The following RAB38 variants were observed in gnomAD, a reference collection of about 807,000 sequenced individuals.
RAB38 encodes the protein ras-related protein Rab-38.
Under a neutral mutation model 18.4 loss-of-function variants are expected in RAB38, and 15 were observed. The observed-to-expected ratio is 0.82, with a 90% confidence interval of 0.55 to 1.26. The LOEUF is 1.26. RAB38 is among the 50% of genes most tolerant of loss of function. The probability of loss-of-function intolerance (pLI) is 0.00; values close to 1 mark genes in which losing one functional copy is unlikely to be tolerated. For missense variants in RAB38, 294 were observed against 267.4 expected, an observed-to-expected ratio of 1.10 and a Z score of -0.69; for synonymous variants, 101 against 104.4, an observed-to-expected ratio of 0.97 and a Z score of 0.20.
the RAB38 span, among the ~76,000 whole-genome samples, chr11:87,902,572 T>C: frequency 5.3e-5 from 8 of 151,610 alleles, no homozygotes; most frequent in South Asian, 1.7e-3. Flanking sequence ...TGATTAGTAT[T>C]GTTTGGAATC....
chr11:88,099,763 T>C, the RAB38 span, among the ~76,000 whole-genome samples: 2 of 151,866 alleles, frequency 1.3e-5, no homozygotes, highest in East Asian at 3.9e-4. Context: ...AATCTAAATA[T>C]ATGATTGTTA....
chr11:88,161,170 T>C (rs1312263831), intron 1 of RAB38, among the ~76,000 whole-genome samples: 1 of 152,132 alleles, frequency 6.6e-6, no homozygotes. Flanking sequence ...TTTTTCAAAC[T>C]CTTGTCGCTT....
At chr11:87,887,883 G>C in the RAB38 span, among the ~76,000 whole-genome samples, 3 of 151,822 alleles carry the variant, frequency 2.0e-5, no homozygotes, top group African/African-American at 7.2e-5. Context: ...AGAAAAACCA[G>C]TTTGACTATT....
At chr11:87,918,328 G>A in the RAB38 span, among the ~76,000 whole-genome samples, 1 of 152,150 alleles carries the variant, frequency 6.6e-6, no homozygotes, top group Non-Finnish European at 1.5e-5. Context: ...TGGCTATTAT[G>A]AATAATGCTG....
the RAB38 span, among the ~76,000 whole-genome samples, chr11:87,922,477 C>T: frequency 6.6e-6 from 1 of 151,850 alleles, no homozygotes; most frequent in African/African-American, 2.4e-5. Flanking sequence ...TTTCTTTTCA[C>T]CCTTTTAAGA....
chr11:88,030,298 C>G, the RAB38 span, among the ~76,000 whole-genome samples: 1 of 152,086 alleles, frequency 6.6e-6, no homozygotes, highest in Non-Finnish European at 1.5e-5. Context: ...AATTGTCAAC[C>G]TAACATCACA....
the RAB38 span, among the ~76,000 whole-genome samples, chr11:88,077,099 A>T: frequency 0.13 from 19,860 of 151,524 alleles, 1,425 homozygotes; most frequent in Admixed American, 0.2. Flanking sequence ...GAAACAAAAG[A>T]TCTATACAAA....
the RAB38 span, among the ~76,000 whole-genome samples, chr11:87,937,869 T>TAA: frequency 0.26 from 31,392 of 121,788 alleles, 3,573 homozygotes; most frequent in South Asian, 0.4. Context: ...CTCATTGAAG[T>TAA]GTTTTTTTTT....
At chr11:88,024,927 G>C in the RAB38 span, among the ~76,000 whole-genome samples, 1 of 152,018 alleles carries the variant, frequency 6.6e-6, no homozygotes, top group Non-Finnish European at 1.5e-5. Context: ...TAGTTAGAAA[G>C]AATGAATAGA....
the RAB38 span, chr11:87,817,543 G>T: frequency 6.6e-6 from 1 of 152,124 alleles, no homozygotes; most frequent in Admixed American, 6.6e-5. Flanking sequence ...GATTGAAGCT[G>T]CCTTATCTGA....
chr11:87,948,674 T>C, the RAB38 span, among the ~76,000 whole-genome samples: 4 of 141,528 alleles, frequency 2.8e-5, no homozygotes, highest in South Asian at 2.4e-4. Flanking sequence ...TTGTCTTTGG[T>C]TCTGTTTATA....
chr11:87,820,444 C>T, the RAB38 span, among the ~76,000 whole-genome samples: 1 of 152,096 alleles, frequency 6.6e-6, no homozygotes, highest in Non-Finnish European at 1.5e-5. Context: ...AATTGAGAAA[C>T]CTAACATAGT....
chr11:87,889,471 A>G, the RAB38 span, among the ~76,000 whole-genome samples: 1 of 151,960 alleles, frequency 6.6e-6, no homozygotes, highest in East Asian at 2.0e-4. Context: ...GTGTGTATGC[A>G]GTAATAATTA....
At chr11:87,871,465 G>A in the RAB38 span, among the ~76,000 whole-genome samples, 15 of 151,672 alleles carry the variant, frequency 9.9e-5, no homozygotes, top group East Asian at 2.7e-3. Context: ...AAATACACAT[G>A]CACACAGTCA....
the RAB38 span, among the ~76,000 whole-genome samples, chr11:87,829,241 C>T: frequency 6.6e-6 from 1 of 152,258 alleles, no homozygotes; most frequent in East Asian, 1.9e-4. Context: ...GTATGATCAC[C>T]ACCTGGGTGA....
At chr11:87,967,256 T>C in the RAB38 span, among the ~76,000 whole-genome samples, 2 of 152,184 alleles carry the variant, frequency 1.3e-5, no homozygotes, top group Non-Finnish European at 2.9e-5. Flanking sequence ...GTAATATTGT[T>C]ACTTTATCTC....
At chr11:88,174,861 G>C (rs1378818535) in intron 1 of RAB38, among the ~76,000 whole-genome samples, 3 of 152,196 alleles carry the variant, frequency 2.0e-5, no homozygotes, top group Admixed American at 6.5e-5. Context: ...AACTGCCCGC[G>C]CCCAGAAAAC....
chr11:87,835,962 C>T, the RAB38 span, among the ~76,000 whole-genome samples: 2 of 152,292 alleles, frequency 1.3e-5, no homozygotes, highest in Non-Finnish European at 2.9e-5. Context: ...TTCTTCTCAG[C>T]ATTAGAATCA....
chr11:87,823,625 T>G, the RAB38 span, among the ~76,000 whole-genome samples: 1 of 152,306 alleles, frequency 6.6e-6, no homozygotes, highest in Non-Finnish European at 1.5e-5. Context: ...TCAATTGATT[T>G]TTGACAAAGT....
Sources: gnomAD v4.1 joint callset for allele counts (sites outside exome capture counted in the v4.1 genomes callset) on GRCh38, gnomAD v4.1.1 for gene constraint, MANE v1.5 for transcripts, NCBI Gene and HGNC (gene_info 2026-07-23, HGNC 2026-07-21) for gene names.